Variants in DYSF observed in about 807,000 individuals in gnomAD.
The protein encoded by DYSF is dystrophy-associated fer-1-like 1.
DYSF carries 212 observed loss-of-function variants against 274.9 expected under a neutral mutation model. That is an observed-to-expected ratio of 0.77 (90% CI 0.69 to 0.86). The LOEUF (loss-of-function observed/expected upper bound fraction) is 0.86. Ranked by LOEUF, DYSF falls within the 40% of genes least tolerant of loss-of-function variation. DYSF has a pLI of 0.00. For missense variants in DYSF, 2,666 were observed against 2,783.2 expected (o/e 0.96, Z 0.95); for synonymous variants, 1,091 against 1,078.7 (o/e 1.01, Z -0.22).
At chr2:71,474,016 T>C (rs1447914975) in intron 1 of DYSF, among the ~76,000 whole-genome samples, 2 of 144,920 alleles carry the variant, frequency 1.4e-5, no homozygotes, top group African/African-American at 5.1e-5. Context: ...AACCTCTGCC[T>C]CCCGGGTTCG....
intron 19 of DYSF, among the ~76,000 whole-genome samples, chr2:71,552,085 T>C (rs1179302464): frequency 6.6e-6 from 1 of 152,196 alleles, no homozygotes; most frequent in Non-Finnish European, 1.5e-5. Flanking sequence ...CATTACTGAC[T>C]CCTCCCAGCA....
upstream of DYSF, among the ~76,000 whole-genome samples, chr2:71,465,416 C>T (rs1421025402): frequency 6.6e-6 from 1 of 152,002 alleles, no homozygotes; most frequent in Non-Finnish European, 1.5e-5. Flanking sequence ...TGAGGTTGGG[C>T]GATGGGGTGT....
chr2:71,667,402 C>T lies in DYSF; in HGVS notation c.5344C>T (p.Leu1782=). Residue 1782 remains leucine (L), a synonymous_variant, in exon 48 of 56, where the codon CTG becomes TTG. Coordinates refer to ENST00000410020, the MANE Select transcript of DYSF (RefSeq NM_001130987.2). ...IEAGRIPNPH[L]GPVEERLALH... The stretch of plus-strand genomic sequence containing the variant: ...GGCTGGCAGGATCCCAAACCCACAC[C>T]TGGGCCCAGTGGAGGAGCGTCTGGC... 6.2e-7 allele frequency: 1 copy of T among 1,614,132 alleles called. No homozygotes were observed. Among genetic ancestry groups the T allele is most frequent in the Non-Finnish European group, 8.5e-7 (1 of 1,180,042 alleles).
intron 42 of DYSF, among the ~76,000 whole-genome samples, chr2:71,645,534 T>C (rs2094553770): frequency 6.6e-6 from 1 of 151,550 alleles, no homozygotes; most frequent in African/African-American, 2.4e-5. Flanking sequence ...TTCTGCCCGC[T>C]AGGGTCTTGG....
Position 71,551,626 on chromosome 2 carries a change from G to C in DYSF, c.1712G>C (p.Arg571Pro). 6.2e-7 allele frequency: 1 copy of C among 1,608,140 alleles called. No homozygotes were observed. Among genetic ancestry groups the C allele is most frequent in the Non-Finnish European group, 8.5e-7 (1 of 1,178,526 alleles). ...TGGCAGGGGGAAGGTGTGGCTTATCGTGGCCGGCTTCTGCTCTCCCTGGAG... is the reference window on the plus strand; with the variant it reads ...TGGCAGGGGGAAGGTGTGGCTTATCCTGGCCGGCTTCTGCTCTCCCTGGAG... Reference protein sequence around the residue: ...NTGKGEGVAYRGRLLLSLETK... With the variant: ...NTGKGEGVAYPGRLLLSLETK... The change falls in exon 19 of 56, where the codon CGT (arginine) becomes CCT (proline). Residue 571 changes from arginine to proline, a missense_variant. Coordinates refer to ENST00000410020, the MANE Select transcript of DYSF (RefSeq NM_001130987.2).
At chr2:71,510,875 T>C (rs192634631) in intron 4 of DYSF, among the ~76,000 whole-genome samples, 1 of 152,378 alleles carries the variant, frequency 6.6e-6, no homozygotes, top group Non-Finnish European at 1.5e-5. Flanking sequence ...TTTGAAAGAT[T>C]GGAGAGAACT....
Position 71,513,341 on chromosome 2 carries a change from CG to C in DYSF, c.553+12del, listed in dbSNP as rs1559046312. The C allele has an allele frequency of 2.6e-6, 4 of 1,551,196 alleles. No individual in the cohort carries two copies. The highest frequency in any genetic ancestry group is 1.4e-5 in the African/African-American group (1 of 73,134). On this transcript the variant is annotated intron_variant, in intron 6 of 55. Coordinates refer to ENST00000410020, the MANE Select transcript of DYSF (RefSeq NM_001130987.2). The stretch of plus-strand genomic sequence containing the variant: ...GTGGCCGGCCCCCACGGGTGAGACA[CG>C]GGCCAGGACTGTCCTGATCCCAGAC...
chr2:71,632,719 C>T (rs1211677950), intron 41 of DYSF, among the ~76,000 whole-genome samples: 1 of 152,186 alleles, frequency 6.6e-6, no homozygotes, highest in Non-Finnish European at 1.5e-5. Context: ...TTCCATTCCT[C>T]TAGGCTTTCT....
At chr2:71,506,171 A>G (rs76056877) in intron 4 of DYSF, among the ~76,000 whole-genome samples, 6,080 of 152,138 alleles carry the variant, frequency 0.04, 180 homozygotes, top group Non-Finnish European at 0.06. Flanking sequence ...TCAGTGTTGG[A>G]GAGCTGTGGT....
chr2:71,582,239 C>T (rs1162803123), intron 30 of DYSF, among the ~76,000 whole-genome samples: 1 of 151,762 alleles, frequency 6.6e-6, no homozygotes, highest in Non-Finnish European at 1.5e-5. Flanking sequence ...CTATGGCCCA[C>T]GAAGTCAAAA....
chr2:71,644,104 G>A (rs367942476), intron 42 of DYSF, 41 bp downstream of exon 42: 42 of 1,514,286 alleles, frequency 2.8e-5, no homozygotes, highest in African/African-American at 2.7e-4. Flanking sequence ...GTGTGTGTGC[G>A]TACTGGGCAG....
At chr2:71,683,577 C>A (rs1478882186) in intron 55 of DYSF, among the ~76,000 whole-genome samples, 1 of 152,230 alleles carries the variant, frequency 6.6e-6, no homozygotes, top group Non-Finnish European at 1.5e-5. Flanking sequence ...ATGGTGTAAT[C>A]CACCCCTTGA....
intron 4 of DYSF, among the ~76,000 whole-genome samples, chr2:71,509,598 C>T (rs2085869363): frequency 6.6e-6 from 1 of 152,074 alleles, no homozygotes; most frequent in Non-Finnish European, 1.5e-5. Context: ...AAGCTTTCTC[C>T]TCTCCTATTT....
chr2:71,596,459 C>T (rs756024394), intron 32 of DYSF, among the ~76,000 whole-genome samples: 9 of 152,194 alleles, frequency 5.9e-5, no homozygotes, highest in East Asian at 1.9e-4. Context: ...TTTTATTTAT[C>T]GGAATGCGCC....
intron 24 of DYSF, among the ~76,000 whole-genome samples, chr2:71,566,160 G>C (rs550123695): frequency 5.3e-5 from 8 of 151,888 alleles, no homozygotes; most frequent in Admixed American, 2.0e-4. Flanking sequence ...AGAAAGGAAA[G>C]GAAGTCAAGG....
chr2:71,517,725 T>G (rs1020860832), intron 10 of DYSF, among the ~76,000 whole-genome samples: 3 of 152,148 alleles, frequency 2.0e-5, no homozygotes, highest in African/African-American at 7.2e-5. Flanking sequence ...GGTGTTTATA[T>G]TTCAGACGTC....
At chr2:71,487,160 G>A (rs2083434411) in intron 3 of DYSF, among the ~76,000 whole-genome samples, 1 of 152,216 alleles carries the variant, frequency 6.6e-6, no homozygotes, top group Non-Finnish European at 1.5e-5. Context: ...AGAACTTTCT[G>A]AGATGATGGA....
At chr2:71,462,324 G>A (rs1035018527), upstream of DYSF, among the ~76,000 whole-genome samples, 1 of 152,184 alleles carries the variant, frequency 6.6e-6, no homozygotes, top group Admixed American at 6.5e-5. Flanking sequence ...ATACTGGAAG[G>A]GGCTTCCACT....
At chr2:71,547,849 C>T (rs1383379422) in intron 17 of DYSF, among the ~76,000 whole-genome samples, 34 of 152,042 alleles carry the variant, frequency 2.2e-4, no homozygotes, top group Non-Finnish European at 1.9e-4. Flanking sequence ...GGTGGGAAGC[C>T]GACTTTGCCT....
Sources: gnomAD v4.1 joint callset for allele counts (sites outside exome capture counted in the v4.1 genomes callset) on GRCh38, gnomAD v4.1.1 for gene constraint, MANE v1.5 for transcripts, NCBI Gene and HGNC (gene_info 2026-07-23, HGNC 2026-07-21) for gene names.